Variants in XIRP2 observed in about 807,000 individuals in gnomAD.
XIRP2 encodes the protein xin actin binding repeat containing 2.
A neutral mutation model predicts 277.0 loss-of-function variants in XIRP2; 236 were observed. The ratio of observed to expected loss-of-function variants is 0.85; its 90% confidence interval spans 0.77 to 0.95. The LOEUF (loss-of-function observed/expected upper bound fraction) is 0.95, where lower values mean the gene tolerates loss of function less well. XIRP2 is among the 40% of genes least tolerant of loss of function. The pLI, the probability that XIRP2 is intolerant of heterozygous loss-of-function variation, is 0.00. For synonymous variants in XIRP2, 1,490 were observed against 1,416.5 expected, an observed-to-expected ratio of 1.05 and a Z score of -1.17; for missense variants, 4,640 against 4,157.5, an observed-to-expected ratio of 1.12 and a Z score of -3.19.
At chr2:166,971,913 AGATAC>A (rs1686587836) in intron 2 of XIRP2, among the ~76,000 whole-genome samples, 1 of 152,130 alleles carries the variant, frequency 6.6e-6, no homozygotes, top group Non-Finnish European at 1.5e-5. Flanking sequence ...TGTCACTTTT[AGATAC>A]GACCAACAGA....
chr2:167,222,307 C>T (rs1020853198), intron 5 of XIRP2, among the ~76,000 whole-genome samples: 107 of 152,208 alleles, frequency 7.0e-4, no homozygotes, highest in African/African-American at 2.5e-3. Flanking sequence ...GCAGAGTATG[C>T]CTATGAAAAT....
intron 2 of XIRP2, among the ~76,000 whole-genome samples, chr2:166,910,666 G>A (rs1382570421): frequency 6.6e-6 from 1 of 152,086 alleles, no homozygotes; most frequent in Non-Finnish European, 1.5e-5. Flanking sequence ...TTTTGAATGT[G>A]TTTGCCCTTC....
At position 167,248,705 on chromosome 2, in the gene XIRP2, AC is replaced by A; in HGVS notation, c.7314del (p.Asn2438LysfsTer29). ...KLPKHIKDNK[N>X]DFSPKVELAT... ...CCCAAGCATATAAAAGATAATAAGA[AC>A]GATTTTTCCCCCAAAGTTGAACTGG... is the stretch of plus-strand genomic sequence containing the variant. On this transcript the variant is annotated frameshift_variant, in exon 9 of 11. Transcript: ENST00000409195. LOFTEE classifies it high-confidence loss of function. 1 of 1,613,734 alleles carries A rather than the reference AC, an allele frequency of 6.2e-7. No individual in the cohort carries two copies. The highest frequency in any genetic ancestry group is 1.1e-5 in the South Asian group (1 of 91,062).
At chr2:167,024,744 G>A (rs1321547163) in intron 2 of XIRP2, among the ~76,000 whole-genome samples, 1 of 152,080 alleles carries the variant, frequency 6.6e-6, no homozygotes, top group Non-Finnish European at 1.5e-5. Flanking sequence ...CTGTTTATAT[G>A]CTGGATTACA....
At chr2:167,204,081 T>C (rs1158598277) in intron 3 of XIRP2, among the ~76,000 whole-genome samples, 1 of 152,196 alleles carries the variant, frequency 6.6e-6, no homozygotes, top group East Asian at 1.9e-4. Flanking sequence ...CTATGATTGC[T>C]TCAGCTTTGC....
chr2:166,988,570 G>A lies in XIRP2; in HGVS notation c.408+84680G>A, dbSNP rs1687078759. On this transcript the variant is annotated intron_variant, in intron 2 of 10. Transcript: ENST00000409195. ...CTGAGGTACCGGGTTCATCTCACTA[G>A]GGAGTGCCAGACAGTGGGCGCAGGC... Among the ~76,000 whole-genome samples, 2 of 138,650 alleles carry A rather than the reference G, an allele frequency of 1.4e-5. 1 individual carries two copies. The highest frequency in any genetic ancestry group is 4.9e-4 in the South Asian group (2 of 4,066). 91.0% of individuals were successfully genotyped at this position (138,650 alleles called of 152,430 possible).
intron 2 of XIRP2, among the ~76,000 whole-genome samples, chr2:167,117,597 C>G (rs1038032819): frequency 6.6e-6 from 1 of 152,138 alleles, no homozygotes; most frequent in African/African-American, 2.4e-5. Flanking sequence ...TGATGTTTGC[C>G]TTAACATCAC....
intron 2 of XIRP2, among the ~76,000 whole-genome samples, chr2:167,026,322 A>G (rs1688158057): frequency 1.3e-5 from 2 of 151,872 alleles, no homozygotes; most frequent in Non-Finnish European, 2.9e-5. Context: ...ATCTTCCTCC[A>G]TCCTTTTATT....
chr2:166,953,836 C>T (rs920283716), intron 2 of XIRP2, among the ~76,000 whole-genome samples: 3 of 151,854 alleles, frequency 2.0e-5, no homozygotes, highest in Non-Finnish European at 4.4e-5. Context: ...TTCCTTCCTT[C>T]CTCTGTTCTA....
intron 3 of XIRP2, among the ~76,000 whole-genome samples, chr2:167,143,967 T>G (rs969047572): frequency 1.3e-5 from 2 of 152,224 alleles, no homozygotes; most frequent in South Asian, 4.1e-4. Context: ...GCCAAATACT[T>G]TTATTTAAAA....
rs1175914828 is a variant in XIRP2 at position 166,988,529 on chromosome 2, A to T, written c.408+84639A>T. On this transcript the variant is annotated intron_variant, in intron 2 of 10. Transcript: ENST00000409195. The stretch of plus-strand genomic sequence containing the variant: ...GCGTGAGCGACGCAGAAGACAGGTG[A>T]TTTCTGCATTTCCATCTGAGGTACC... 9.0e-5 allele frequency among the ~76,000 whole-genome samples: 12 copies of T among 133,936 alleles called. 1 individual carries two copies. Among genetic ancestry groups the T allele is most frequent in the Admixed American group, 8.4e-4 (12 of 14,310 alleles). 87.9% of individuals were successfully genotyped at this position (133,936 alleles called of 152,430 possible). A position where few individuals can be genotyped will look rare whatever the true frequency, so the allele number is the denominator to read the frequency against.
intron 2 of XIRP2, among the ~76,000 whole-genome samples, chr2:167,055,678 G>T (rs1271235126): frequency 6.6e-6 from 1 of 152,040 alleles, no homozygotes; most frequent in East Asian, 1.9e-4. Context: ...AAAAAGATTT[G>T]CAATATGAGC....
intron 2 of XIRP2, among the ~76,000 whole-genome samples, chr2:167,132,958 T>C (rs1019237434): frequency 6.6e-6 from 1 of 152,204 alleles, no homozygotes; most frequent in Non-Finnish European, 1.5e-5. Flanking sequence ...GAAAAACATT[T>C]CTTTATTTTA....
At chr2:166,942,801 T>C (rs183647530) in intron 2 of XIRP2, among the ~76,000 whole-genome samples, 5 of 152,276 alleles carry the variant, frequency 3.3e-5, no homozygotes, top group Admixed American at 3.3e-4. Flanking sequence ...AATAAAAGCC[T>C]TGAAGAGAGA....
At chr2:166,907,128 T>C (rs959791521) in intron 2 of XIRP2, among the ~76,000 whole-genome samples, 1 of 152,176 alleles carries the variant, frequency 6.6e-6, no homozygotes, top group Non-Finnish European at 1.5e-5. Flanking sequence ...TAAAACACCA[T>C]GTTAAAACAA....
chr2:167,253,787 A>G (rs943076350), intron 9 of XIRP2, among the ~76,000 whole-genome samples: 3 of 151,792 alleles, frequency 2.0e-5, no homozygotes, highest in Non-Finnish European at 4.4e-5. Context: ...GTTTTTTTAA[A>G]TCATAAATGT....
chr2:166,982,072 A>G (rs1310144367), intron 2 of XIRP2, among the ~76,000 whole-genome samples: 1 of 151,868 alleles, frequency 6.6e-6, no homozygotes, highest in South Asian at 2.1e-4. Context: ...CTTTTACTTG[A>G]AAATGTCTTT....
At chr2:167,224,746 G>A (rs1226949079) in intron 5 of XIRP2, among the ~76,000 whole-genome samples, 1 of 151,972 alleles carries the variant, frequency 6.6e-6, no homozygotes, top group African/African-American at 2.4e-5. Flanking sequence ...AGCCAAGAGG[G>A]GACATAATCA....
intron 2 of XIRP2, among the ~76,000 whole-genome samples, chr2:167,050,363 A>G (rs917178883): frequency 2.6e-5 from 4 of 152,102 alleles, no homozygotes; most frequent in Admixed American, 2.6e-4. Flanking sequence ...ATCTTTGAAC[A>G]CAGAGGTGCT....
Sources: allele counts gnomAD v4.1 joint callset (sites outside exome capture counted in the v4.1 genomes callset), GRCh38; gene constraint gnomAD v4.1.1; transcripts MANE v1.5; gene names NCBI Gene and HGNC (gene_info 2026-07-23, HGNC 2026-07-21).